The following TMEM255B variants were observed in gnomAD, a reference collection of about 807,000 sequenced individuals.
The protein encoded by TMEM255B is family with sequence similarity 70, member B.
In TMEM255B, 35 loss-of-function variants were observed where a neutral mutation model predicts 34.5. That is an observed-to-expected ratio of 1.01 (90% CI 0.77 to 1.34). The LOEUF (loss-of-function observed/expected upper bound fraction) is 1.34, where lower values mean the gene tolerates loss of function less well. TMEM255B is among the 40% of genes most tolerant of loss of function. The pLI, the probability that TMEM255B is intolerant of heterozygous loss-of-function variation, is 0.00. For missense variants in TMEM255B, 432 were observed against 433.2 expected, an observed-to-expected ratio of 1.00 and a Z score of 0.02; for synonymous variants, 206 against 201.2, an observed-to-expected ratio of 1.02 and a Z score of -0.20.
intron 3 of TMEM255B, among the ~76,000 whole-genome samples, chr13:113,782,603 G>A (rs1332829865): frequency 2.7e-5 from 4 of 149,654 alleles, no homozygotes; most frequent in South Asian, 2.2e-4. Context: ...ACATGGGGGC[G>A]CAGGATCCGG....
Position 113,806,776 on chromosome 13 carries a change from G to T in TMEM255B, c.813+1748G>T, listed in dbSNP as rs1353594028. Among the ~76,000 whole-genome samples, 1 of 152,176 alleles carries T rather than the reference G, an allele frequency of 6.6e-6. No homozygotes were observed. Among genetic ancestry groups the T allele is most frequent in the African/African-American group, 2.4e-5 (1 of 41,456 alleles). On this transcript the variant is annotated intron_variant, in intron 8 of 8. Transcript: ENST00000375353. This position sits in a 1 kb window ranked among gnomAD's most constrained non-coding sequence, Gnocchi z 4.2. ...CTGGGGGCTTCTCTCTGGCCTCCTG[G>T]TCTCCCGTGGGAAGTTTGCCAAGCC... is the stretch of plus-strand genomic sequence containing the variant.
At position 113,814,459 on chromosome 13, in the gene TMEM255B, G is replaced by A. The variant is rs1279497686; in HGVS notation, c.*2556G>A. 1 of 152,242 alleles carries A rather than the reference G, an allele frequency of 6.6e-6. No homozygotes were observed. Among genetic ancestry groups the A allele is most frequent in the Non-Finnish European group, 1.5e-5 (1 of 68,046 alleles). The allele number at this position is 152,242 out of a possible 1,614,324, so 9.4% of individuals were successfully genotyped here. ...AAAATATTCAACTCCAAGGTCAACA[G>A]TTTTGTTCTTGCCACAAAAATGTCC... is the stretch of plus-strand genomic sequence containing the variant. On this transcript the variant is annotated 3_prime_UTR_variant, in exon 9 of 9. Coordinates refer to ENST00000375353, the MANE Select transcript of TMEM255B (RefSeq NM_182614.4).
chr13:113,800,596 G>A (rs995764775), intron 5 of TMEM255B, among the ~76,000 whole-genome samples: 1 of 152,102 alleles, frequency 6.6e-6, no homozygotes, highest in African/African-American at 2.4e-5. Flanking sequence ...TCTGAGCCCC[G>A]ATTATCCGGC....
rs6602891 is a variant in TMEM255B at position 113,814,112 on chromosome 13, G to T, written c.*2209G>T. On this transcript the variant is annotated 3_prime_UTR_variant, in exon 9 of 9. Transcript: ENST00000375353. ...TGGGCGCCGATGGTGCCGTGGTCTT[G>T]TGTGGGCGGTTCCTGGGCACCCTGG... The T allele has an allele frequency of 0.52, 78,399 of 152,034 alleles. 22,124 individuals are homozygous for T. Among genetic ancestry groups the T allele is most frequent in the African/African-American group, 0.76 (31,373 of 41,480 alleles). The allele number at this position is 152,034 out of a possible 1,614,324, so 9.4% of individuals were successfully genotyped here.
chr13:113,769,064 G>A lies in TMEM255B; in HGVS notation c.190-34G>A. ...GTGTTAAGCTTCTAGGCACGTTAATGAGTGTTTCTCTCTCGTTCTTCCTTT... is the reference window on the plus strand; with the variant it reads ...GTGTTAAGCTTCTAGGCACGTTAATAAGTGTTTCTCTCTCGTTCTTCCTTT... On this transcript the variant is annotated intron_variant, in intron 2 of 8. Transcript: ENST00000375353. This position sits in a 1 kb window ranked among gnomAD's most constrained non-coding sequence, Gnocchi z 4.2. 6.2e-7 allele frequency: 1 copy of A among 1,611,438 alleles called. No homozygotes were observed. Among genetic ancestry groups the A allele is most frequent in the Non-Finnish European group, 8.5e-7 (1 of 1,177,556 alleles).
chr13:113,774,599 TG>T (rs1463760138), intron 3 of TMEM255B, among the ~76,000 whole-genome samples: 20 of 80,422 alleles, frequency 2.5e-4, no homozygotes, highest in Non-Finnish European at 4.3e-4. Context: ...AACACACAAA[TG>T]ACACACACCA....
intron 3 of TMEM255B, among the ~76,000 whole-genome samples, chr13:113,792,067 C>G (rs1290955011): frequency 2.0e-5 from 3 of 152,246 alleles, no homozygotes; most frequent in Admixed American, 6.5e-5. Flanking sequence ...TCATCTTCCT[C>G]TGGGAAGGTG....
chr13:113,800,141 G>T, intron 5 of TMEM255B: 1 of 1,009,092 alleles, frequency 9.9e-7, no homozygotes, highest in South Asian at 1.8e-5. Flanking sequence ...TAGGGGGGAG[G>T]TGTCCTGTGT....
intron 2 of TMEM255B, 109 bp downstream of exon 2, chr13:113,766,366 C>A: frequency 6.7e-7 from 1 of 1,499,578 alleles, no homozygotes. Flanking sequence ...GGTGGGGAGG[C>A]TTCGATCAGT....
chr13:113,802,351 CCCT>C (rs1423718191), intron 7 of TMEM255B, among the ~76,000 whole-genome samples: 3 of 152,220 alleles, frequency 2.0e-5, no homozygotes, highest in African/African-American at 7.2e-5. Context: ...TCTCTCTTCT[CCCT>C]CCTCTGCCCT....
chr13:113,784,702 C>T (rs1018114468), intron 3 of TMEM255B, among the ~76,000 whole-genome samples: 2 of 152,186 alleles, frequency 1.3e-5, no homozygotes, highest in African/African-American at 4.8e-5. Context: ...CTCACAGTTC[C>T]CTTCGGGTCA....
chr13:113,799,919 C>T (rs543529485), intron 5 of TMEM255B: 57 of 1,275,308 alleles, frequency 4.5e-5, no homozygotes, highest in Non-Finnish European at 5.6e-5. Flanking sequence ...GTGTCTCGCA[C>T]CTGCCCTGTG....
intron 2 of TMEM255B, 113 bp from the exon 3 acceptor site, chr13:113,768,985 C>T (rs754439760): frequency 3.3e-6 from 4 of 1,217,112 alleles, no homozygotes; most frequent in South Asian, 2.5e-5. Context: ...GATGTCTGGC[C>T]TTCGTCCCTG....
chr13:113,799,228 G>A (rs1369478044), intron 4 of TMEM255B, 111 bp from the exon 5 acceptor site: 2 of 947,012 alleles, frequency 2.1e-6, no homozygotes, highest in African/African-American at 3.3e-5. Flanking sequence ...GTTGGTGTTG[G>A]CCTTGGTCCT....
intron 1 of TMEM255B, among the ~76,000 whole-genome samples, chr13:113,765,552 T>A (rs1566718988): frequency 6.6e-6 from 1 of 152,130 alleles, no homozygotes; most frequent in African/African-American, 2.4e-5. Flanking sequence ...CATGGTTTTT[T>A]AAATCCCCTA....
Position 113,766,733 on chromosome 13 carries a change from T to C in TMEM255B, c.189+476T>C, listed in dbSNP as rs1012776189. ...GAAGGGGAAAGTAACTTTAAACGAT[T>C]CCTACCAAGAAGCCGTGGGTCAAAG... On this transcript the variant is annotated intron_variant, in intron 2 of 8. Transcript: ENST00000375353. Among the ~76,000 whole-genome samples, 4 of 152,168 alleles carry C rather than the reference T, an allele frequency of 2.6e-5. No homozygotes were observed. The South Asian group carries it at 8.3e-4, about 32-fold the overall frequency.
At chr13:113,810,099 C>T (rs916021796) in intron 8 of TMEM255B, among the ~76,000 whole-genome samples, 2 of 152,278 alleles carry the variant, frequency 1.3e-5, no homozygotes, top group Admixed American at 6.5e-5. Flanking sequence ...GCTCCCAGGG[C>T]GTCTGCAGTG....
intron 1 of TMEM255B, among the ~76,000 whole-genome samples, chr13:113,762,427 T>G (rs2050323593): frequency 6.6e-6 from 1 of 152,328 alleles, no homozygotes; most frequent in East Asian, 1.9e-4. Flanking sequence ...CTTTCTAGAC[T>G]TGTATAATCT....
chr13:113,782,679 G>GC (rs1214813806), intron 3 of TMEM255B, among the ~76,000 whole-genome samples: 2 of 151,460 alleles, frequency 1.3e-5, no homozygotes, highest in Non-Finnish European at 2.9e-5. Flanking sequence ...GGTCGGAGGG[G>GC]GGGGCTTCAT....
Sources: gnomAD v4.1 joint callset for allele counts (sites outside exome capture counted in the v4.1 genomes callset) on GRCh38, gnomAD v4.1.1 for gene constraint, Gnocchi (gnomAD v3.1) non-coding constraint, MANE v1.5 for transcripts, NCBI Gene and HGNC (gene_info 2026-07-23, HGNC 2026-07-21) for gene names.